The following KCTD14 variants were observed in gnomAD, a reference collection of about 807,000 sequenced individuals.
KCTD14 encodes the protein BTB/POZ domain-containing protein KCTD14.
Under a neutral mutation model 5.9 loss-of-function variants are expected in KCTD14, and 7 were observed. The ratio of observed to expected loss-of-function variants is 1.19; its 90% CI spans 0.68 to 2.23. The LOEUF (loss-of-function observed/expected upper bound fraction) is 2.23, where lower values mean the gene tolerates loss of function less well. Among genes scored for constraint, KCTD14 ranks in the 30% most tolerant of loss-of-function variants. The pLI, the probability that KCTD14 is intolerant of heterozygous loss-of-function variation, is 0.00. For missense variants in KCTD14, 342 were observed against 332.2 expected (o/e 1.03, Z -0.23); for synonymous variants, 140 against 133.1 (o/e 1.05, Z -0.36).
intron 1 of KCTD14, among the ~76,000 whole-genome samples, chr11:78,039,971 G>A (rs1399667315): frequency 6.6e-6 from 1 of 152,058 alleles, no homozygotes; most frequent in Non-Finnish European, 1.5e-5. Context: ...ATCCTTGATA[G>A]CTAAGGCACT....
chr11:78,017,536 C>T (rs1482197282), intron 1 of KCTD14, among the ~76,000 whole-genome samples: 2 of 151,444 alleles, frequency 1.3e-5, no homozygotes, highest in Admixed American at 1.3e-4. Flanking sequence ...CAACTTCCAC[C>T]TCGATTAAAG....
At chr11:78,044,576 C>G (rs904404536) in intron 1 of KCTD14, among the ~76,000 whole-genome samples, 1 of 152,162 alleles carries the variant, frequency 6.6e-6, no homozygotes, top group African/African-American at 2.4e-5. Flanking sequence ...ACAAGGCCAG[C>G]CATGCCGCAC....
chr11:78,026,478 A>G (rs903547471), upstream of KCTD14, among the ~76,000 whole-genome samples: 1 of 151,890 alleles, frequency 6.6e-6, no homozygotes, highest in Non-Finnish European at 1.5e-5. Context: ...AAAGACATCA[A>G]TTGGCTAGGC....
In KCTD14 at chr11:78,015,892, G is replaced by T. The variant is rs548575402; in HGVS notation, c.*701C>A. 6.6e-6 allele frequency: 1 copy of T among 152,216 alleles called. No homozygotes were observed. The highest frequency in any genetic ancestry group is 1.5e-5 in the Non-Finnish European group (1 of 68,064). 9.4% of individuals were successfully genotyped at this position (152,216 alleles called of 1,614,324 possible). ...CCTTGATGTAAGAGGTCAGTCTTTTGTACCTCCATACAAGAGGTAGCAATT... is the reference window on the plus strand; with the variant it reads ...CCTTGATGTAAGAGGTCAGTCTTTTTTACCTCCATACAAGAGGTAGCAATT... On this transcript the variant is annotated 3_prime_UTR_variant, in exon 2 of 2. Coordinates refer to ENST00000353172, the MANE Select transcript of KCTD14 (RefSeq NM_023930.4).
In KCTD14 at chr11:78,017,004, G is replaced by C. The variant is rs2136699627; in HGVS notation, c.357C>G (p.Val119=). The C allele has an allele frequency of 6.2e-7, 1 of 1,614,214 alleles. No homozygotes were observed. Among genetic ancestry groups the C allele is most frequent in the Non-Finnish European group, 8.5e-7 (1 of 1,180,038 alleles). ...EAQFYEIKPL[V]KLLEDMPQIF... The stretch of plus-strand genomic sequence containing the variant: ...TCTGTGGCATGTCCTCCAGCAGCTT[G>C]ACCAAAGGCTTGATTTCGTAGAACT... The change falls in exon 2 of 2, where the codon GTC becomes GTG. Residue 119 remains valine (V), a synonymous_variant. Coordinates refer to ENST00000353172, the MANE Select transcript of KCTD14 (RefSeq NM_023930.4).
At position 78,023,167 on chromosome 11, in the gene KCTD14, C is replaced by A; in HGVS notation, c.83G>T (p.Arg28Leu). The A allele has an allele frequency of 1.3e-6, 2 of 1,589,102 alleles. No homozygotes were observed. The highest frequency in any genetic ancestry group is 1.1e-5 in the South Asian group (1 of 90,012). The change falls in exon 1 of 2, where the codon CGG (arginine) becomes CTG (leucine). Residue 28 changes from arginine to leucine, a missense_variant. By Grantham distance (102) the Arg-to-Leu change is moderately radical. Coordinates refer to ENST00000353172, the MANE Select transcript of KCTD14 (RefSeq NM_023930.4). The stretch of plus-strand genomic sequence containing the variant: ...AGCTAGCCTCGCACTTACCGTTGGC[C>A]GCCTGGGCCGGGGGGACTGGGGCAG... ...TPLPQSPRPR[R>L]PTMSTVVELN...
upstream of KCTD14, among the ~76,000 whole-genome samples, chr11:78,025,118 G>GTGTGTATATATATATA (rs1230114793): frequency 6.7e-5 from 3 of 44,472 alleles, no homozygotes; most frequent in Non-Finnish European, 9.0e-5. Flanking sequence ...GTGTGTGTGT[G>GTGTGTATATATATATA]TATATATATA....
At chr11:78,040,112 C>T (rs143240373) in intron 1 of KCTD14, among the ~76,000 whole-genome samples, 160 of 152,344 alleles carry the variant, frequency 1.1e-3, no homozygotes, top group African/African-American at 3.6e-3. Context: ...CAGAGTCTGA[C>T]CTCCAACAGA....
At position 78,022,967 on chromosome 11, in the gene KCTD14, GAGAGTGATCCC is replaced by G. The variant is rs1052886698; in HGVS notation, c.90+182_90+192del. 11 of 558,238 alleles carry G rather than the reference GAGAGTGATCCC, an allele frequency of 2.0e-5. No homozygotes were observed. The East Asian group carries it at 3.2e-4, about 16-fold the overall frequency. 34.6% of individuals were successfully genotyped at this position (558,238 alleles called of 1,614,324 possible). On this transcript the variant is annotated intron_variant, in intron 1 of 1. Transcript: ENST00000353172. ...AGAAAGGGACACCGAGGCGCGAAAG[GAGAGTGATCCC>G]AGCAGGAGGGACGGCAAAGATTGAA...
intron 2 of KCTD14, among the ~76,000 whole-genome samples, chr11:78,029,267 G>A (rs1485492320): frequency 1.3e-5 from 2 of 151,660 alleles, no homozygotes; most frequent in South Asian, 2.1e-4. Flanking sequence ...TCGCTGACAC[G>A]CCCAGATAAC....
chr11:78,028,163 C>T (rs1170277530), upstream of KCTD14, among the ~76,000 whole-genome samples: 2 of 151,980 alleles, frequency 1.3e-5, no homozygotes, highest in African/African-American at 4.8e-5. Flanking sequence ...GATCTTCCTC[C>T]CCAAAACTCA....
chr11:78,031,375 T>A (rs891343411), intron 2 of KCTD14, among the ~76,000 whole-genome samples: 9 of 152,004 alleles, frequency 5.9e-5, no homozygotes, highest in Non-Finnish European at 1.3e-4. Flanking sequence ...GTTTATTTTT[T>A]AAAATTTATT....
chr11:78,038,572 T>C, intron 2 of KCTD14: 1 of 1,445,056 alleles, frequency 6.9e-7, no homozygotes, highest in East Asian at 2.5e-5. Flanking sequence ...CCCAAGTGCG[T>C]AGGCCCCAGC....
At chr11:78,024,445 CATATAT>C (rs56371412), upstream of KCTD14, among the ~76,000 whole-genome samples, 327 of 140,502 alleles carry the variant, frequency 2.3e-3, 1 homozygote, top group African/African-American at 5.8e-3. Context: ...CACACACACA[CATATAT>C]ATATATATAC....
intron 1 of KCTD14, 103 bp downstream of exon 1, chr11:78,023,057 G>A (rs1857347814): frequency 9.1e-6 from 7 of 770,032 alleles, no homozygotes; most frequent in Non-Finnish European, 1.5e-5. Context: ...CAGGGGGCTC[G>A]GGCGTCTGGG....
At chr11:78,023,306 C>A (rs1857358900), upstream of KCTD14, 8 of 1,567,940 alleles carry the variant, frequency 5.1e-6, no homozygotes, top group South Asian at 7.8e-5. Flanking sequence ...GGTGGGAACA[C>A]CGAGGCTCAA....
chr11:78,036,396 C>T (rs1857804795), intron 2 of KCTD14, among the ~76,000 whole-genome samples: 1 of 152,178 alleles, frequency 6.6e-6, no homozygotes, highest in Admixed American at 6.5e-5. Flanking sequence ...ACTTTGTATG[C>T]ACGATTGAGT....
intron 1 of KCTD14, among the ~76,000 whole-genome samples, chr11:78,039,180 A>G (rs1857917277): frequency 1.3e-5 from 2 of 151,970 alleles, no homozygotes; most frequent in African/African-American, 2.4e-5. Context: ...CCCCTACTAC[A>G]TATATATCCA....
At chr11:78,038,718 G>C (rs1857894802) in exon 2 of KCTD14, 2 of 1,535,632 alleles carry the variant, frequency 1.3e-6, no homozygotes, top group Non-Finnish European at 1.7e-6. Context: ...GGGTGTCAGA[G>C]AGGGATCCTG....
Sources: allele counts gnomAD v4.1 joint callset (sites outside exome capture counted in the v4.1 genomes callset), GRCh38; gene constraint gnomAD v4.1.1; transcripts MANE v1.5; gene names NCBI Gene and HGNC (gene_info 2026-07-23, HGNC 2026-07-21).